IGSF11: variants seen among roughly 807,000 people sequenced by gnomAD.
IGSF11 encodes the protein CXADR like 1.
In IGSF11, 22 loss-of-function variants were observed where a neutral mutation model predicts 41.0. The observed-to-expected ratio is 0.54, with a 90% CI of 0.38 to 0.77. The LOEUF is 0.77. Ranked by LOEUF, IGSF11 falls within the 30% of genes least tolerant of loss-of-function variation. IGSF11 has a pLI of 0.00. For synonymous variants in IGSF11, 219 were observed against 201.3 expected, an observed-to-expected ratio of 1.09 and a Z score of -0.74; for missense variants, 444 against 530.8, an observed-to-expected ratio of 0.84 and a Z score of 1.61.
At chr3:119,030,376 G>T (rs571985415) in intron 1 of IGSF11, among the ~76,000 whole-genome samples, 1 of 151,998 alleles carries the variant, frequency 6.6e-6, no homozygotes, top group South Asian at 2.1e-4. Flanking sequence ...ATGATGATGC[G>T]GTAGATCATT....
intron 1 of IGSF11, among the ~76,000 whole-genome samples, chr3:119,114,064 G>T (rs2077222540): frequency 6.6e-6 from 1 of 152,220 alleles, no homozygotes; most frequent in African/African-American, 2.4e-5. Flanking sequence ...ATGTGGTACA[G>T]GGCAGCAGGG....
At chr3:118,976,239 A>G (rs559464159) in intron 1 of IGSF11, among the ~76,000 whole-genome samples, 1 of 152,332 alleles carries the variant, frequency 6.6e-6, no homozygotes, top group Non-Finnish European at 1.5e-5. Context: ...CCACCATTTT[A>G]ATAATCATCA....
intron 1 of IGSF11, among the ~76,000 whole-genome samples, chr3:118,936,436 G>A (rs559453909): frequency 1.3e-5 from 2 of 151,896 alleles, no homozygotes; most frequent in East Asian, 3.9e-4. Flanking sequence ...TAACCTGGGA[G>A]GTAGAAGTTG....
intron 1 of IGSF11, among the ~76,000 whole-genome samples, chr3:119,100,870 C>T (rs944369005): frequency 2.6e-5 from 4 of 152,070 alleles, no homozygotes; most frequent in African/African-American, 9.7e-5. Flanking sequence ...ATATGTAAAT[C>T]GAAAGTCATG....
chr3:118,940,325 T>A (rs1943586890), intron 1 of IGSF11, among the ~76,000 whole-genome samples: 1 of 152,194 alleles, frequency 6.6e-6, no homozygotes, highest in Admixed American at 6.5e-5. Context: ...TAAATGAGTT[T>A]AGCAAGGTTT....
rs1252467406 is a variant in IGSF11, at chr3:118,930,242, G to A, written c.86C>T (p.Pro29Leu). The A allele has an allele frequency of 1.2e-6, 2 of 1,613,710 alleles. No individual in the cohort carries two copies. Among genetic ancestry groups the A allele is most frequent in the Middle Eastern group, 1.6e-4 (1 of 6,078 alleles). ...ACCCCGGGCCACCTGGATACTCCCA[G>A]GGCTCTCTGACACTTCCAGGGATGC... ...VAASLEVSES[P>L]GSIQVARGQP... The change falls in exon 2 of 7, where the codon CCT becomes CTT. Residue 29 changes from proline to leucine, a missense_variant. Physicochemically the swap from Pro to Leu is moderately conservative, Grantham distance 98. This residue lies in a region of IGSF11 where 193 missense variants were observed against 283.5 expected (regional missense o/e 0.68). Coordinates refer to ENST00000393775, the MANE Select transcript of IGSF11 (RefSeq NM_001015887.3).
At chr3:119,011,937 A>G (rs563349725) in intron 1 of IGSF11, among the ~76,000 whole-genome samples, 5 of 147,074 alleles carry the variant, frequency 3.4e-5, no homozygotes, top group African/African-American at 1.3e-4. Flanking sequence ...CAGATGCTAT[A>G]TAGTGTTCTG....
At chr3:118,986,401 G>C (rs1347038989) in intron 1 of IGSF11, among the ~76,000 whole-genome samples, 1 of 152,166 alleles carries the variant, frequency 6.6e-6, no homozygotes, top group African/African-American at 2.4e-5. Context: ...GAACTGAACT[G>C]AATTTTATTC....
chr3:119,043,098 A>G (rs902878806), intron 1 of IGSF11, among the ~76,000 whole-genome samples: 1 of 152,196 alleles, frequency 6.6e-6, no homozygotes, highest in African/African-American at 2.4e-5. Flanking sequence ...ACTAGCGTTC[A>G]GCTTGATTTG....
intron 1 of IGSF11, among the ~76,000 whole-genome samples, chr3:119,043,142 T>C (rs889357936): frequency 1.3e-5 from 2 of 152,148 alleles, no homozygotes; most frequent in African/African-American, 2.4e-5. Flanking sequence ...GCAGGAACAA[T>C]GGCAAGCCTT....
chr3:119,071,676 C>T (rs1252214612), intron 1 of IGSF11, among the ~76,000 whole-genome samples: 1 of 152,094 alleles, frequency 6.6e-6, no homozygotes, highest in African/African-American at 2.4e-5. Flanking sequence ...CAATTATATT[C>T]CATTGATCTA....
In IGSF11 at chr3:118,902,561, C is replaced by G. The variant is rs1392748546; in HGVS notation, c.1255G>C (p.Val419Leu). ...GCCCGACTCTGGGCTGGTACCATGACAGGTACTGCACCAATTCGTTCCAGT... is the reference window on the plus strand; with the variant it reads ...GCCCGACTCTGGGCTGGTACCATGAGAGGTACTGCACCAATTCGTTCCAGT... ...ATLERIGAVP[V>L]MVPAQSRAGS... Residue 419 changes from valine to leucine, a missense_variant, in exon 7 of 7, where the codon GTC becomes CTC. By Grantham distance (32) the Val-to-Leu change is conservative (BLOSUM62 1). This residue lies in a region of IGSF11 where 223 missense variants were observed against 226.2 expected (regional missense o/e 0.99). Coordinates refer to ENST00000393775, the MANE Select transcript of IGSF11 (RefSeq NM_001015887.3). 6.3e-7 allele frequency: 1 copy of G among 1,594,936 alleles called. No individual in the cohort carries two copies. The highest frequency in any genetic ancestry group is 8.6e-7 in the Non-Finnish European group (1 of 1,167,494).
chr3:119,046,119 C>A (rs1005691670), intron 1 of IGSF11, among the ~76,000 whole-genome samples: 1 of 151,140 alleles, frequency 6.6e-6, no homozygotes, highest in African/African-American at 2.4e-5. Flanking sequence ...AGCTCCTCAC[C>A]AGCAACGGAA....
intron 1 of IGSF11, among the ~76,000 whole-genome samples, chr3:119,068,117 A>G (rs1942288347): frequency 6.6e-6 from 1 of 152,220 alleles, no homozygotes. Flanking sequence ...CTACAAGATA[A>G]ATGGGTCTTC....
At chr3:119,110,824 G>A (rs1165347702) in intron 1 of IGSF11, among the ~76,000 whole-genome samples, 1 of 151,516 alleles carries the variant, frequency 6.6e-6, no homozygotes, top group African/African-American at 2.4e-5. Flanking sequence ...TGTCTGTAAA[G>A]TATTTTATTT....
In IGSF11 at chr3:118,904,861, G is replaced by T. The variant is rs1939382465; in HGVS notation, c.704-63C>A. On this transcript the variant is annotated intron_variant, in intron 5 of 6. Coordinates refer to ENST00000393775, the MANE Select transcript of IGSF11 (RefSeq NM_001015887.3). The stretch of plus-strand genomic sequence containing the variant: ...AAAGAGAGAAATAGCATATACCCAT[G>T]CAACTGTAATAAGCACATAAGCTTA... 1.4e-5 allele frequency: 19 copies of T among 1,349,010 alleles called. 1 individual carries two copies. The South Asian group carries it at 2.4e-4, about 17-fold the overall frequency. 83.6% of individuals were successfully genotyped at this position (1,349,010 alleles called of 1,614,324 possible).
intron 1 of IGSF11, among the ~76,000 whole-genome samples, chr3:119,015,884 T>C (rs551751628): frequency 6.6e-6 from 1 of 152,340 alleles, no homozygotes; most frequent in African/African-American, 2.4e-5. Flanking sequence ...AGGCATTACC[T>C]GTCCCACTTT....
chr3:118,966,320 A>G (rs1201679596), intron 1 of IGSF11, among the ~76,000 whole-genome samples: 1 of 152,194 alleles, frequency 6.6e-6, no homozygotes, highest in Non-Finnish European at 1.5e-5. Flanking sequence ...ACAGCTCAGA[A>G]AGCTTATATG....
chr3:118,920,200 T>C lies in IGSF11; in HGVS notation c.580+5901A>G, dbSNP rs1183768753. Among the ~76,000 whole-genome samples, 5 of 150,690 alleles carry C rather than the reference T, an allele frequency of 3.3e-5. 1 individual carries two copies. Among genetic ancestry groups the C allele is most frequent in the East Asian group, 2.0e-4 (1 of 5,088 alleles). On this transcript the variant is annotated intron_variant, in intron 4 of 6. Transcript: ENST00000393775. ...GGGTGCAGAGCACCAGCATGGCACATGTATACATATGTAACTAACCTGCAC... is the reference window on the plus strand; with the variant it reads ...GGGTGCAGAGCACCAGCATGGCACACGTATACATATGTAACTAACCTGCAC...
Sources: gnomAD v4.1 joint callset for allele counts (sites outside exome capture counted in the v4.1 genomes callset) on GRCh38, gnomAD v4.1.1 for gene constraint, gnomAD v4.1.1 regional missense constraint, MANE v1.5 for transcripts, NCBI Gene and HGNC (gene_info 2026-07-23, HGNC 2026-07-21) for gene names.